GOLM2: variants seen among roughly 807,000 people sequenced by gnomAD.
The protein encoded by GOLM2 is golgi membrane protein 2, also known as protein GOLM2.
Under a neutral mutation model 55.9 loss-of-function variants are expected in GOLM2, and 26 were observed. The observed-to-expected ratio is 0.47, with a 90% CI of 0.34 to 0.65. The LOEUF (loss-of-function observed/expected upper bound fraction) is 0.65. GOLM2 is among the 30% of genes least tolerant of loss of function. The pLI is 0.01. For synonymous variants in GOLM2, 165 were observed against 194.6 expected, an observed-to-expected ratio of 0.85 and a Z score of 1.27; for missense variants, 486 against 531.8, an observed-to-expected ratio of 0.91 and a Z score of 0.85.
intron 6 of GOLM2, among the ~76,000 whole-genome samples, chr15:44,352,534 C>T (rs778277137): frequency 2.0e-5 from 3 of 152,076 alleles, no homozygotes; most frequent in Non-Finnish European, 4.4e-5. Context: ...TAAAACCCCA[C>T]AAACACAGGC....
At chr15:44,350,733 C>G (rs977303574) in intron 6 of GOLM2, among the ~76,000 whole-genome samples, 7 of 152,158 alleles carry the variant, frequency 4.6e-5, no homozygotes, top group African/African-American at 1.7e-4. Flanking sequence ...TAACAAAACA[C>G]TATCAAACCG....
chr15:44,322,968 A>G lies in GOLM2; in HGVS notation c.331A>G (p.Lys111Glu). 1 of 1,569,182 alleles carries G rather than the reference A, an allele frequency of 6.4e-7. No individual in the cohort carries two copies. Reference protein sequence around the residue: ...LGKRCEDDKVKLQNNISYQMA... With the variant: ...LGKRCEDDKVELQNNISYQMA... Reference sequence around the variant, plus strand: ...TGAGAACTTAATTTTTTTTCAGGTTAAACTACAGAACAACATATCGTATCA... The same window carrying G: ...TGAGAACTTAATTTTTTTTCAGGTTGAACTACAGAACAACATATCGTATCA... The change falls in exon 2 of 10, where the codon AAA becomes GAA. Residue 111 changes from lysine (K) to glutamate (E), a missense_variant. By Grantham distance (56) the Lys-to-Glu change is moderately conservative (BLOSUM62 1). Transcript: ENST00000299957.
intron 6 of GOLM2, among the ~76,000 whole-genome samples, chr15:44,359,766 T>G (rs572858322): frequency 6.6e-6 from 1 of 151,954 alleles, no homozygotes; most frequent in Non-Finnish European, 1.5e-5. Context: ...TCACCAAAGT[T>G]GAAATGAAGG....
In GOLM2 at chr15:44,354,090, A is replaced by G. The variant is rs1001994240; in HGVS notation, c.802+15773A>G. On this transcript the variant is annotated intron_variant, in intron 6 of 9. Transcript: ENST00000299957. Reference sequence around the variant, plus strand: ...ACAAAAATTAGAAGAAGAAAATGTAAGTAATGCATTTCCTCAAAAAATTAT... The same window carrying G: ...ACAAAAATTAGAAGAAGAAAATGTAGGTAATGCATTTCCTCAAAAAATTAT... Among the ~76,000 whole-genome samples, 6 of 152,122 alleles carry G rather than the reference A, an allele frequency of 3.9e-5. No individual in the cohort carries two copies. The East Asian group carries it at 1.2e-3, about 29-fold the overall frequency.
At chr15:44,361,711 C>T (rs1595648432) in intron 6 of GOLM2, among the ~76,000 whole-genome samples, 3 of 152,068 alleles carry the variant, frequency 2.0e-5, no homozygotes, top group Admixed American at 6.6e-5. Context: ...CCAGCATCAT[C>T]CTGATACCAA....
chr15:44,398,008 G>A (rs1213826953), intron 8 of GOLM2, among the ~76,000 whole-genome samples: 1 of 152,168 alleles, frequency 6.6e-6, no homozygotes, highest in Non-Finnish European at 1.5e-5. Flanking sequence ...CCTAGTGTAA[G>A]TCCTCATAGC....
intron 6 of GOLM2, among the ~76,000 whole-genome samples, chr15:44,359,792 C>A (rs1336016066): frequency 1.3e-5 from 2 of 152,150 alleles, no homozygotes; most frequent in Admixed American, 6.5e-5. Context: ...ATATTAAGGG[C>A]AGCCAGAGAG....
rs939672233 is a variant in GOLM2 at position 44,388,665 on chromosome 15, C to A, written c.1072+7689C>A. Among the ~76,000 whole-genome samples the A allele has an allele frequency of 3.9e-5, 6 of 152,290 alleles. No individual in the cohort carries two copies. In the East Asian group the frequency reaches 9.7e-4, roughly 25 times the overall value. ...CTCCAGCCTGGGCAACAAAGCAAGA[C>A]CTTGTCTCAAAAGAAAAAAAGAGAG... On this transcript the variant is annotated intron_variant, in intron 8 of 9. Coordinates refer to ENST00000299957, the MANE Select transcript of GOLM2 (RefSeq NM_138423.4).
rs778352678 is a variant in GOLM2, at chr15:44,338,238, A to G, written c.723A>G (p.Glu241=). 6.2e-7 allele frequency: 1 copy of G among 1,612,852 alleles called. No homozygotes were observed. Among genetic ancestry groups the G allele is most frequent in the Non-Finnish European group, 8.5e-7 (1 of 1,179,368 alleles). The change falls in exon 6 of 10, where the codon GAA becomes GAG. Residue 241 remains glutamate (E), a splice_region_variant and synonymous_variant. Transcript: ENST00000299957. ...TCTATCTTTTTGTTACTTGGGCAGA[A>G]CAAATCAAAAGAGGTGGTGATGCAG... ...PSSNHIPHGK[E]QIKRGGDAGM... is the part of the protein sequence containing the mutation.
At chr15:44,365,500 T>C (rs1464469584) in intron 6 of GOLM2, among the ~76,000 whole-genome samples, 2 of 151,684 alleles carry the variant, frequency 1.3e-5, no homozygotes, top group African/African-American at 4.9e-5. Context: ...GCCTGGACAA[T>C]GGAGTAAGAA....
At chr15:44,290,215 T>C (rs2078710745) in intron 1 of GOLM2, among the ~76,000 whole-genome samples, 1 of 152,238 alleles carries the variant, frequency 6.6e-6, no homozygotes, top group Non-Finnish European at 1.5e-5. Flanking sequence ...CTTGTTTTCA[T>C]TAGCTCATTG....
At chr15:44,391,697 T>C (rs1463706869) in intron 8 of GOLM2, among the ~76,000 whole-genome samples, 1 of 152,050 alleles carries the variant, frequency 6.6e-6, no homozygotes, top group Non-Finnish European at 1.5e-5. Context: ...CAAAGTTAGA[T>C]GAAATGGCCA....
At chr15:44,349,073 A>G (rs1021386665) in intron 6 of GOLM2, among the ~76,000 whole-genome samples, 1 of 152,038 alleles carries the variant, frequency 6.6e-6, no homozygotes, top group African/African-American at 2.4e-5. Flanking sequence ...CAGCCTGACC[A>G]ACATGGAGAA....
intron 6 of GOLM2, chr15:44,355,702 G>A (rs1038080473): frequency 9.3e-5 from 18 of 194,434 alleles, no homozygotes; most frequent in Non-Finnish European, 1.5e-4. Flanking sequence ...ACAGCCCTCC[G>A]GACTACCAGC....
intron 6 of GOLM2, among the ~76,000 whole-genome samples, chr15:44,359,589 AAAACAAAC>A (rs201500531): frequency 1.0e-3 from 159 of 152,276 alleles, no homozygotes; most frequent in African/African-American, 3.1e-3. Flanking sequence ...CTCCGTCTCA[AAAACAAAC>A]AAACAAACAA....
chr15:44,304,230 CTTTT>C (rs895623812), intron 1 of GOLM2, among the ~76,000 whole-genome samples: 3 of 82,872 alleles, frequency 3.6e-5, no homozygotes, highest in South Asian at 4.4e-4. Context: ...GGCTCCACTT[CTTTT>C]TTTTTTTTTT....
At chr15:44,343,981 T>A (rs1451115849) in intron 6 of GOLM2, among the ~76,000 whole-genome samples, 1 of 151,796 alleles carries the variant, frequency 6.6e-6, no homozygotes, top group Non-Finnish European at 1.5e-5. Context: ...CCGGGCACAG[T>A]GGCTCACGTC....
Position 44,337,788 on chromosome 15 carries a change from A to G in GOLM2, c.602A>G (p.Asn201Ser). The change falls in exon 5 of 10, where the codon AAT becomes AGT. Residue 201 changes from asparagine to serine, a missense_variant. Coordinates refer to ENST00000299957, the MANE Select transcript of GOLM2 (RefSeq NM_138423.4). ...QKQETQKIQSNDGKELDINNQ... is the reference protein window; with the variant it reads ...QKQETQKIQSSDGKELDINNQ... ...CAAGAGACCCAAAAGATTCAATCAA[A>G]TGATGGAAAGGAATTGGATATAAAC... is the stretch of plus-strand genomic sequence containing the variant. 1 of 1,585,382 alleles carries G rather than the reference A, an allele frequency of 6.3e-7. No individual in the cohort carries two copies. The highest frequency in any genetic ancestry group is 1.2e-5 in the South Asian group (1 of 84,816).
At position 44,414,045 on chromosome 15, in the gene GOLM2, A is replaced by G. The variant is rs1353921851; in HGVS notation, c.*639A>G. 1.3e-5 allele frequency: 2 copies of G among 152,288 alleles called. No individual in the cohort carries two copies. Among genetic ancestry groups the G allele is most frequent in the Non-Finnish European group, 2.9e-5 (2 of 68,088 alleles). The allele number at this position is 152,288 out of a possible 1,614,324, so 9.4% of individuals were successfully genotyped here. Reference sequence around the variant, plus strand: ...AAAGACGGGTTTCACCATGTTGGCCAGGCTGGTCTTGAACTCCTGACCTCA... The same window carrying G: ...AAAGACGGGTTTCACCATGTTGGCCGGGCTGGTCTTGAACTCCTGACCTCA... On this transcript the variant is annotated 3_prime_UTR_variant, in exon 10 of 10. Coordinates refer to ENST00000299957, the MANE Select transcript of GOLM2 (RefSeq NM_138423.4).
Sources: allele counts gnomAD v4.1 joint callset (sites outside exome capture counted in the v4.1 genomes callset), GRCh38; gene constraint gnomAD v4.1.1; transcripts MANE v1.5; gene names NCBI Gene and HGNC (gene_info 2026-07-23, HGNC 2026-07-21).